NRXN3: variants seen among roughly 807,000 people sequenced by gnomAD.
The protein encoded by NRXN3 is neurexin III.
In NRXN3, 32 loss-of-function variants were observed where a neutral mutation model predicts 137.6. That is an observed-to-expected ratio of 0.23 (90% CI 0.18 to 0.31). The LOEUF (loss-of-function observed/expected upper bound fraction) is 0.31. Ranked by LOEUF, NRXN3 falls within the 10% of genes least tolerant of loss-of-function variation. The pLI, the probability that NRXN3 is intolerant of heterozygous loss-of-function variation, is 1.00. For missense variants in NRXN3, 1,574 were observed against 2,062.5 expected, an observed-to-expected ratio of 0.76 and a Z score of 4.59; for synonymous variants, 798 against 784.5, an observed-to-expected ratio of 1.02 and a Z score of -0.29.
intron 4 of NRXN3, among the ~76,000 whole-genome samples, chr14:78,570,559 G>A (rs2096879701): frequency 1.3e-5 from 2 of 152,136 alleles, no homozygotes; most frequent in Non-Finnish European, 2.9e-5. Flanking sequence ...CTAAGAATAA[G>A]CCCATTATGC....
chr14:78,483,323 C>T (rs1214222233), intron 4 of NRXN3, among the ~76,000 whole-genome samples: 1 of 152,208 alleles, frequency 6.6e-6, no homozygotes, highest in Non-Finnish European at 1.5e-5. Context: ...ATTAGCAACT[C>T]TTAAATTTCT....
chr14:79,522,180 G>A (rs1016592315), intron 16 of NRXN3, among the ~76,000 whole-genome samples: 30 of 152,168 alleles, frequency 2.0e-4, no homozygotes, highest in African/African-American at 7.0e-4. Context: ...GTAATGCACA[G>A]GGGAAAAGGT....
At chr14:79,808,664 T>G (rs1182560061) in intron 20 of NRXN3, among the ~76,000 whole-genome samples, 1 of 152,198 alleles carries the variant, frequency 6.6e-6, no homozygotes, top group Non-Finnish European at 1.5e-5. Flanking sequence ...TTATGAGGCA[T>G]TTAACTTCTA....
chr14:79,593,412 C>G (rs2097827033), intron 16 of NRXN3, among the ~76,000 whole-genome samples: 1 of 152,018 alleles, frequency 6.6e-6, no homozygotes, highest in African/African-American at 2.4e-5. Flanking sequence ...GTGCGGATCA[C>G]CAGGTCAGGA....
chr14:78,229,182 G>A (rs2065055205), intron 1 of NRXN3, among the ~76,000 whole-genome samples: 1 of 151,980 alleles, frequency 6.6e-6, no homozygotes, highest in South Asian at 2.1e-4. Context: ...GATGACTATT[G>A]TGGCCGTCAT....
intron 16 of NRXN3, among the ~76,000 whole-genome samples, chr14:79,484,675 T>C (rs753030166): frequency 4.6e-5 from 7 of 152,200 alleles, no homozygotes; most frequent in Non-Finnish European, 8.8e-5. Flanking sequence ...ACAGAACTTG[T>C]GTTCACAATT....
intron 16 of NRXN3, among the ~76,000 whole-genome samples, chr14:79,650,018 A>C (rs2098468722): frequency 6.6e-6 from 1 of 152,134 alleles, no homozygotes; most frequent in Non-Finnish European, 1.5e-5. Context: ...GGAGAGAGAA[A>C]TCATGCCTAA....
chr14:78,274,478 C>T (rs1298786501), intron 2 of NRXN3, among the ~76,000 whole-genome samples: 11 of 152,168 alleles, frequency 7.2e-5, no homozygotes, highest in African/African-American at 2.7e-4. Context: ...AAATTATCTC[C>T]CACTGGGTCC....
chr14:78,543,889 A>G (rs2096614734), intron 4 of NRXN3, among the ~76,000 whole-genome samples: 2 of 152,170 alleles, frequency 1.3e-5, no homozygotes, highest in South Asian at 2.1e-4. Context: ...TGTGTTTTCT[A>G]TCATACAGAA....
intron 4 of NRXN3, among the ~76,000 whole-genome samples, chr14:78,503,974 T>A (rs564773178): frequency 2.0e-4 from 31 of 152,304 alleles, no homozygotes; most frequent in African/African-American, 7.0e-4. Context: ...AAAGTAGAGT[T>A]CTCTAGTCAC....
chr14:79,695,425 C>T (rs1436198171), intron 18 of NRXN3, among the ~76,000 whole-genome samples: 1 of 151,852 alleles, frequency 6.6e-6, no homozygotes, highest in Admixed American at 6.6e-5. Flanking sequence ...TATTATGATT[C>T]GCCAGCAGTT....
intron 19 of NRXN3, among the ~76,000 whole-genome samples, chr14:79,779,600 A>G (rs2099107723): frequency 6.6e-6 from 1 of 152,080 alleles, no homozygotes; most frequent in South Asian, 2.1e-4. Flanking sequence ...ATGATCAAAA[A>G]ACTTTTCTCT....
At chr14:78,759,898 G>C (rs966071772) in intron 8 of NRXN3, among the ~76,000 whole-genome samples, 1 of 152,056 alleles carries the variant, frequency 6.6e-6, no homozygotes, top group African/African-American at 2.4e-5. Context: ...TCCATTTAAA[G>C]CCACAGCATT....
At position 78,393,860 on chromosome 14, in the gene NRXN3, A is replaced by G. The variant is rs1011621270; in HGVS notation, c.757+96000A>G. Among the ~76,000 whole-genome samples the G allele has an allele frequency of 2.6e-5, 4 of 152,016 alleles. 1 individual carries two copies. The South Asian group carries it at 6.2e-4, about 24-fold the overall frequency. Reference sequence around the variant, plus strand: ...ATCTAAGTGCTTTAAGTTTTTGAGCAATCATAAGTAGTATTTTTAATTTTG... The same window carrying G: ...ATCTAAGTGCTTTAAGTTTTTGAGCGATCATAAGTAGTATTTTTAATTTTG... On this transcript the variant is annotated intron_variant, in intron 4 of 20. Transcript: ENST00000335750.
chr14:79,394,572 G>A (rs1323520228), intron 15 of NRXN3, among the ~76,000 whole-genome samples: 3 of 151,946 alleles, frequency 2.0e-5, no homozygotes, highest in African/African-American at 7.3e-5. Context: ...TCTTAACCTG[G>A]GATGCATGTT....
intron 20 of NRXN3, among the ~76,000 whole-genome samples, chr14:79,834,981 C>T (rs1355894196): frequency 6.6e-6 from 1 of 152,062 alleles, no homozygotes; most frequent in African/African-American, 2.4e-5. Context: ...CTCATAACCA[C>T]CGTTCTACTC....
rs750099036 is a variant in NRXN3 at position 79,805,181 on chromosome 14, C to A, written c.4084C>A (p.Pro1362Thr). Reference protein sequence around the residue: ...SDDEDFVECEPSTDKSLSTSI... With the variant: ...SDDEDFVECETSTDKSLSTSI... Reference sequence around the variant, plus strand: ...TGATGAAGACTTTGTTGAATGTGAGCCGAGTACAGGTAGGTCAGGTCAGTC... The same window carrying A: ...TGATGAAGACTTTGTTGAATGTGAGACGAGTACAGGTAGGTCAGGTCAGTC... The change falls in exon 20 of 21, where the codon CCG becomes ACG. Residue 1362 changes from proline (P) to threonine (T), a missense_variant. Coordinates refer to ENST00000335750, the MANE Select transcript of NRXN3 (RefSeq NM_001330195.2). The A allele has an allele frequency of 1.2e-6, 2 of 1,613,178 alleles. No individual in the cohort carries two copies. The highest frequency in any genetic ancestry group is 1.7e-5 in the Admixed American group (1 of 59,958).
intron 15 of NRXN3, among the ~76,000 whole-genome samples, chr14:79,055,381 C>T (rs377622058): frequency 1.1e-4 from 16 of 152,190 alleles, no homozygotes; most frequent in Admixed American, 2.0e-4. Flanking sequence ...TCCGACTGTA[C>T]AGGTGAATAA....
At chr14:78,921,170 C>T (rs1283219312) in intron 10 of NRXN3, among the ~76,000 whole-genome samples, 1 of 152,114 alleles carries the variant, frequency 6.6e-6, no homozygotes, top group Non-Finnish European at 1.5e-5. Flanking sequence ...AAATAGAAGA[C>T]TATTCCTTCA....
Sources: allele counts gnomAD v4.1 joint callset (sites outside exome capture counted in the v4.1 genomes callset), GRCh38; gene constraint gnomAD v4.1.1; transcripts MANE v1.5; gene names NCBI Gene and HGNC (gene_info 2026-07-23, HGNC 2026-07-21).